Variants in CELF2 observed in about 807,000 individuals in gnomAD.
The protein encoded by CELF2 is CUGBP Elav-like family member 2.
In CELF2, 8 loss-of-function variants were observed where a neutral mutation model predicts 62.6. That is an observed-to-expected ratio of 0.13 (90% CI 0.07 to 0.23). The LOEUF (loss-of-function observed/expected upper bound fraction) is 0.23, where lower values mean the gene tolerates loss of function less well. Among genes scored for constraint, CELF2 ranks in the 10% least tolerant of loss-of-function variants. CELF2 has a pLI of 1.00. For missense variants in CELF2, 333 were observed against 671.0 expected (o/e 0.50, Z 5.56); for synonymous variants, 258 against 250.0 (o/e 1.03, Z -0.30).
chr10:11,121,396 C>A (rs1490144902), intron 1 of CELF2, among the ~76,000 whole-genome samples: 1 of 152,166 alleles, frequency 6.6e-6, no homozygotes, highest in Non-Finnish European at 1.5e-5. Context: ...GCAGCATTTT[C>A]TGTTTTGCAG....
At chr10:11,040,879 G>T (rs188727111) in intron 1 of CELF2, among the ~76,000 whole-genome samples, 1 of 151,836 alleles carries the variant, frequency 6.6e-6, no homozygotes, top group Non-Finnish European at 1.5e-5. Flanking sequence ...CCTCTGTTTA[G>T]CTCCATCTCT....
At chr10:10,480,621 G>A in the CELF2 span, among the ~76,000 whole-genome samples, 6 of 152,112 alleles carry the variant, frequency 3.9e-5, no homozygotes, top group African/African-American at 1.4e-4. Flanking sequence ...TTGCTATAAA[G>A]GACATAGATG....
chr10:10,890,286 T>C (rs1316077823), intron 1 of CELF2, among the ~76,000 whole-genome samples: 1 of 152,072 alleles, frequency 6.6e-6, no homozygotes, highest in African/African-American at 2.4e-5. Flanking sequence ...CGCTCAAAGG[T>C]GAATTGTCTA....
At chr10:10,728,050 G>T in the CELF2 span, among the ~76,000 whole-genome samples, 1 of 151,976 alleles carries the variant, frequency 6.6e-6, no homozygotes, top group Admixed American at 6.6e-5. Flanking sequence ...GTTGGGAGAA[G>T]AGAGAGGGTT....
intron 1 of CELF2, among the ~76,000 whole-genome samples, chr10:10,873,301 C>T (rs551941261): frequency 2.6e-5 from 4 of 152,112 alleles, no homozygotes; most frequent in African/African-American, 7.2e-5. Flanking sequence ...ATTTGTAATA[C>T]GAGCCGTACC....
At chr10:10,476,298 A>G in the CELF2 span, among the ~76,000 whole-genome samples, 1 of 152,144 alleles carries the variant, frequency 6.6e-6, no homozygotes, top group Non-Finnish European at 1.5e-5. Context: ...CACGGTGTGA[A>G]TTATTCAACA....
the CELF2 span, among the ~76,000 whole-genome samples, chr10:10,631,129 C>T: frequency 6.6e-6 from 1 of 152,152 alleles, no homozygotes; most frequent in African/African-American, 2.4e-5. Flanking sequence ...TGTTTTATTC[C>T]TATGAGTAAT....
chr10:10,675,394 A>C, the CELF2 span, among the ~76,000 whole-genome samples: 1 of 151,800 alleles, frequency 6.6e-6, no homozygotes, highest in African/African-American at 2.4e-5. Context: ...TTTCCCTTTG[A>C]CTTTCAGAAT....
chr10:10,472,651 T>A, the CELF2 span, among the ~76,000 whole-genome samples: 2 of 151,888 alleles, frequency 1.3e-5, no homozygotes, highest in African/African-American at 4.8e-5. Flanking sequence ...AACTAGACAT[T>A]GAAGGTAATC....
the CELF2 span, among the ~76,000 whole-genome samples, chr10:10,579,321 G>C: frequency 6.6e-6 from 1 of 152,154 alleles, no homozygotes; most frequent in African/African-American, 2.4e-5. Context: ...GTATGTATGA[G>C]CATCTTACTG....
At chr10:10,514,303 A>AT in the CELF2 span, among the ~76,000 whole-genome samples, 25 of 151,358 alleles carry the variant, frequency 1.7e-4, no homozygotes, top group African/African-American at 2.2e-4. Context: ...GATTCATGGA[A>AT]TTTTTTTTTT....
chr10:11,231,196 G>T (rs1452076325), intron 3 of CELF2, among the ~76,000 whole-genome samples: 4 of 152,168 alleles, frequency 2.6e-5, no homozygotes, highest in Non-Finnish European at 5.9e-5. Context: ...TTGTGAATCT[G>T]GAGAAGTTTT....
intron 2 of CELF2, among the ~76,000 whole-genome samples, chr10:11,179,701 G>A (rs896455001): frequency 2.6e-5 from 4 of 152,204 alleles, no homozygotes; most frequent in Non-Finnish European, 2.9e-5. Context: ...GGGTATGTGT[G>A]TGCGTGTGCC....
the CELF2 span, among the ~76,000 whole-genome samples, chr10:10,767,995 CAA>C: frequency 1.7e-4 from 4 of 23,056 alleles, no homozygotes; most frequent in Non-Finnish European, 2.1e-4. Context: ...GACTCCGTCT[CAA>C]AAAAAAAAAA....
At chr10:11,128,087 C>T (rs959665008) in intron 1 of CELF2, among the ~76,000 whole-genome samples, 71 of 152,198 alleles carry the variant, frequency 4.7e-4, no homozygotes, top group Non-Finnish European at 6.8e-4. Flanking sequence ...CCAGTTTCAG[C>T]TTTCTACATA....
At chr10:10,851,276 TA>T (rs1251723690) in intron 1 of CELF2, among the ~76,000 whole-genome samples, 2 of 152,224 alleles carry the variant, frequency 1.3e-5, no homozygotes, top group African/African-American at 4.8e-5. Flanking sequence ...CTTGGGCATT[TA>T]TCCCAGAGAA....
chr10:10,493,605 CACTGCAGCCTCCGCCTCCCAG>C, the CELF2 span, among the ~76,000 whole-genome samples: 7 of 151,034 alleles, frequency 4.6e-5, no homozygotes, highest in South Asian at 1.3e-3. Context: ...GATCTAGGCT[CACTGCAGCCTCCGCCTCCCAG>C]ATTCAAGCAA....
At chr10:11,091,472 C>T (rs1212481265) in intron 1 of CELF2, among the ~76,000 whole-genome samples, 1 of 152,188 alleles carries the variant, frequency 6.6e-6, no homozygotes, top group Non-Finnish European at 1.5e-5. Context: ...CATGGCACAT[C>T]CCTTCAAGAA....
the CELF2 span, among the ~76,000 whole-genome samples, chr10:10,484,123 C>T: frequency 1.0e-4 from 2 of 19,692 alleles, no homozygotes; most frequent in South Asian, 6.2e-3. Context: ...CTCTCCCTCC[C>T]CCCTCCTCTC....
Sources: allele counts gnomAD v4.1 joint callset (sites outside exome capture counted in the v4.1 genomes callset), GRCh38; gene constraint gnomAD v4.1.1; transcripts MANE v1.5; gene names NCBI Gene and HGNC (gene_info 2026-07-23, HGNC 2026-07-21).